The following ST3GAL3 variants were observed in gnomAD, a reference collection of about 807,000 sequenced individuals.
ST3GAL3 encodes CMP-N-acetylneuraminate-beta-1,4-galactoside alpha-2,3-sialyltransferase.
Under a neutral mutation model 50.1 loss-of-function variants are expected in ST3GAL3, and 21 were observed. That is an observed-to-expected ratio of 0.42 (90% CI 0.30 to 0.60). The LOEUF (loss-of-function observed/expected upper bound fraction) is 0.60. ST3GAL3 is among the 20% of genes least tolerant of loss of function. The pLI is 0.19. For synonymous variants in ST3GAL3, 183 were observed against 190.0 expected (o/e 0.96, Z 0.30); for missense variants, 353 against 489.4 (o/e 0.72, Z 2.63).
At chr1:43,755,858 G>C (rs12129369) in intron 2 of ST3GAL3, among the ~76,000 whole-genome samples, 48,623 of 151,878 alleles carry the variant, frequency 0.32, 9,336 homozygotes, top group East Asian at 0.53. Context: ...TAGTGCTTTG[G>C]GGGGCCAAGT....
intron 1 of ST3GAL3, among the ~76,000 whole-genome samples, chr1:43,733,260 C>G (rs1294845587): frequency 6.6e-6 from 1 of 152,190 alleles, no homozygotes; most frequent in Non-Finnish European, 1.5e-5. Flanking sequence ...TTCGGCCTCT[C>G]AGGTCTGAGC....
intron 3 of ST3GAL3, among the ~76,000 whole-genome samples, chr1:43,810,825 A>G (rs1011941403): frequency 2.6e-5 from 4 of 152,062 alleles, no homozygotes; most frequent in Non-Finnish European, 5.9e-5. Context: ...TGGTGGTCAC[A>G]TTGCCTCATT....
intron 5 of ST3GAL3, among the ~76,000 whole-genome samples, chr1:43,893,295 AAC>A (rs1404475062): frequency 6.6e-6 from 1 of 152,212 alleles, no homozygotes; most frequent in Non-Finnish European, 1.5e-5. Flanking sequence ...TAGAAATAAC[AAC>A]ACAGAGCCAC....
Position 43,765,716 on chromosome 1 carries a change from A to G in ST3GAL3, c.119-26386A>G, listed in dbSNP as rs538233864. 5.3e-5 allele frequency among the ~76,000 whole-genome samples: 8 copies of G among 152,048 alleles called. No individual in the cohort carries two copies. In the East Asian group the frequency reaches 1.6e-3, roughly 30 times the overall value. ...TTGCTCTGGAAAGGCAAAAAAGGGT[A>G]AAACAATTTCATGTGCATGTGTGTG... On this transcript the variant is annotated intron_variant, in intron 2 of 11. Coordinates refer to ENST00000347631, the MANE Select transcript of ST3GAL3 (RefSeq NM_006279.5).
chr1:43,817,769 T>TTTC (rs761500212), intron 4 of ST3GAL3, among the ~76,000 whole-genome samples: 2 of 84,312 alleles, frequency 2.4e-5, no homozygotes, highest in African/African-American at 4.4e-5. Context: ...CTTCCTCTTC[T>TTTC]TCTTCTCCTC....
Position 43,930,467 on chromosome 1 carries a change from C to A in ST3GAL3, c.*246C>A. On this transcript the variant is annotated 3_prime_UTR_variant, in exon 12 of 12. Coordinates refer to ENST00000347631, the MANE Select transcript of ST3GAL3 (RefSeq NM_006279.5). Reference sequence around the variant, plus strand: ...GGCTCCTGGCTGTGCCCAGCAGGCCCAGCATGCAGGTGGTGGGACACTGGG... The same window carrying A: ...GGCTCCTGGCTGTGCCCAGCAGGCCAAGCATGCAGGTGGTGGGACACTGGG... The A allele has an allele frequency of 1.7e-6, 1 of 587,486 alleles. No homozygotes were observed. Among genetic ancestry groups the A allele is most frequent in the Non-Finnish European group, 3.0e-6 (1 of 327,946 alleles). The allele number at this position is 587,486 out of a possible 1,614,324, so 36.4% of individuals were successfully genotyped here. A position where few individuals can be genotyped will look rare whatever the true frequency, so the allele number is the denominator to read the frequency against.
intron 2 of ST3GAL3, among the ~76,000 whole-genome samples, chr1:43,750,962 A>AG (rs1441522941): frequency 6.6e-6 from 1 of 152,158 alleles, no homozygotes; most frequent in African/African-American, 2.4e-5. Context: ...AAGATGAACA[A>AG]CAAGCCAGGA....
intron 5 of ST3GAL3, among the ~76,000 whole-genome samples, chr1:43,886,398 G>A (rs998192370): frequency 6.6e-6 from 1 of 152,130 alleles, no homozygotes; most frequent in African/African-American, 2.4e-5. Flanking sequence ...AATAAGAAAT[G>A]ATAAATGTTT....
intron 5 of ST3GAL3, chr1:43,858,426 T>C: frequency 2.3e-6 from 2 of 888,358 alleles, no homozygotes; most frequent in Non-Finnish European, 3.0e-6. Context: ...GCACAGTCCC[T>C]GGTGAGAGCA....
intron 6 of ST3GAL3, among the ~76,000 whole-genome samples, chr1:43,897,886 C>T (rs191206758): frequency 1.9e-3 from 284 of 152,272 alleles, no homozygotes; most frequent in African/African-American, 6.4e-3. Flanking sequence ...AGGGAGACTG[C>T]GTGCGCCAGC....
At chr1:43,926,290 A>G (rs1345956802) in intron 11 of ST3GAL3, among the ~76,000 whole-genome samples, 2 of 152,314 alleles carry the variant, frequency 1.3e-5, no homozygotes, top group South Asian at 2.1e-4. Flanking sequence ...GCGAGGAGCC[A>G]AAGAAAAAGA....
intron 2 of ST3GAL3, among the ~76,000 whole-genome samples, chr1:43,765,802 TCCGCGCGTCCGCGTGCGC>T (rs1692640407): frequency 1.4e-5 from 2 of 138,016 alleles, no homozygotes; most frequent in African/African-American, 6.1e-5. Flanking sequence ...CGCGCGCGCG[TCCGCGCGTCCGCGTGCGC>T]TTTTTTTTTA....
chr1:43,714,449 A>G (rs921982729), intron 1 of ST3GAL3, among the ~76,000 whole-genome samples: 4 of 149,320 alleles, frequency 2.7e-5, no homozygotes, highest in African/African-American at 9.8e-5. Context: ...AAAAAAAAAA[A>G]AAAAAATTAG....
At chr1:43,906,781 T>C (rs1416385908) in intron 9 of ST3GAL3, among the ~76,000 whole-genome samples, 2 of 152,226 alleles carry the variant, frequency 1.3e-5, no homozygotes, top group African/African-American at 4.8e-5. Context: ...CTTCAGTTTA[T>C]CAGCTTTCCT....
chr1:43,920,270 C>T (rs908008558), intron 9 of ST3GAL3, 134 bp from the exon 10 acceptor site: 17 of 1,054,128 alleles, frequency 1.6e-5, no homozygotes, highest in South Asian at 2.6e-5. Context: ...GGGCTTCCTA[C>T]ACCACAGGCC....
chr1:43,731,540 A>C (rs111491433), intron 1 of ST3GAL3, among the ~76,000 whole-genome samples: 1 of 144,822 alleles, frequency 6.9e-6, no homozygotes, highest in Non-Finnish European at 1.5e-5. Flanking sequence ...GCCCGCCACC[A>C]TGCCCGGCTA....
chr1:43,858,922 C>G (rs993348747), intron 5 of ST3GAL3, among the ~76,000 whole-genome samples: 4 of 152,232 alleles, frequency 2.6e-5, no homozygotes, highest in African/African-American at 9.6e-5. Flanking sequence ...TTGGCTCTGC[C>G]TTCTGCCCTG....
intron 2 of ST3GAL3, among the ~76,000 whole-genome samples, chr1:43,755,817 A>T (rs1323287502): frequency 6.6e-6 from 1 of 152,224 alleles, no homozygotes; most frequent in African/African-American, 2.4e-5. Context: ...CTTTACCAAA[A>T]TTAAAAATAT....
chr1:43,776,706 T>A (rs1292961652), intron 2 of ST3GAL3, among the ~76,000 whole-genome samples: 1 of 152,182 alleles, frequency 6.6e-6, no homozygotes, highest in African/African-American at 2.4e-5. Context: ...GTGTGAGGGT[T>A]CCCTTCCTCC....
Sources: gnomAD v4.1 joint callset for allele counts (sites outside exome capture counted in the v4.1 genomes callset) on GRCh38, gnomAD v4.1.1 for gene constraint, MANE v1.5 for transcripts, NCBI Gene and HGNC (gene_info 2026-07-23, HGNC 2026-07-21) for gene names.